The following EXD3 variants were observed in gnomAD, a reference collection of about 807,000 sequenced individuals.
The protein encoded by EXD3 is exonuclease 3'-5' domain containing 3.
Under a neutral mutation model 98.0 loss-of-function variants are expected in EXD3, and 92 were observed. That is an observed-to-expected ratio of 0.94 (90% CI 0.79 to 1.12). The LOEUF is 1.12. Among genes scored for constraint, EXD3 ranks in the 50% most tolerant of loss-of-function variants. The probability of loss-of-function intolerance (pLI) is 0.00; values close to 1 mark genes in which losing one functional copy is unlikely to be tolerated. For missense variants in EXD3, 1,222 were observed against 1,191.6 expected, an observed-to-expected ratio of 1.03 and a Z score of -0.38; for synonymous variants, 569 against 526.0, an observed-to-expected ratio of 1.08 and a Z score of -1.12.
chr9:137,408,179 G>A (rs1035698401), intron 1 of EXD3, among the ~76,000 whole-genome samples: 1 of 152,090 alleles, frequency 6.6e-6, no homozygotes, highest in Non-Finnish European at 1.5e-5. Flanking sequence ...TCCTCTGGGC[G>A]CCTGGATGTG....
In EXD3 at chr9:137,380,009, G is replaced by A. The variant is rs372780410; in HGVS notation, c.120+3304C>T. On this transcript the variant is annotated intron_variant, in intron 3 of 21. Coordinates refer to ENST00000340951, the MANE Select transcript of EXD3 (RefSeq NM_017820.5). ...CTCAGGGTCCCAGCCCGTTGTTCCG[G>A]GAGACTTCAGTCCTGGCCCAGGCAT... 7.9e-5 allele frequency among the ~76,000 whole-genome samples: 12 copies of A among 151,846 alleles called. No homozygotes were observed. The East Asian group carries it at 1.2e-3, about 15-fold the overall frequency.
Position 137,349,245 on chromosome 9 carries a change from G to C in EXD3, c.1695C>G (p.Ala565=). 1 of 1,574,562 alleles carries C rather than the reference G, an allele frequency of 6.4e-7. No homozygotes were observed. ...DAYCLLEVHQ[A]LCREPARFHL... ...GGAAGCGGGCGGGCTCTCTGCACAG[G>C]GCTTGGTGCACCTCCAGCAGGCAGT... The change falls in exon 16 of 22, where the codon GCC becomes GCG. Residue 565 remains alanine, a synonymous_variant. Transcript: ENST00000340951. This position sits in a 1 kb window ranked among gnomAD's most constrained non-coding sequence, Gnocchi z 7.4.
intron 1 of EXD3, among the ~76,000 whole-genome samples, chr9:137,396,339 C>T (rs113714899): frequency 0.03 from 4,518 of 152,284 alleles, 191 homozygotes; most frequent in African/African-American, 0.089. Flanking sequence ...AGTCTGCTTA[C>T]GCAAGGCTGC....
At chr9:137,386,896 G>C (rs1323250189) in intron 2 of EXD3, among the ~76,000 whole-genome samples, 19 of 79,760 alleles carry the variant, frequency 2.4e-4, no homozygotes, top group African/African-American at 7.0e-4. Flanking sequence ...TCCCTGCCTG[G>C]CCCCCTCAGC....
chr9:137,321,827 A>G (rs1490121727), intron 19 of EXD3, among the ~76,000 whole-genome samples: 1 of 152,202 alleles, frequency 6.6e-6, no homozygotes, highest in Non-Finnish European at 1.5e-5. Context: ...GAGAGCCAGC[A>G]CAGCCCACAG....
chr9:137,367,699 G>A (rs960456801), intron 6 of EXD3: 3 of 494,746 alleles, frequency 6.1e-6, no homozygotes, highest in Non-Finnish European at 1.1e-5. Flanking sequence ...GCACACTCAG[G>A]GCTTCAGGGG....
Position 137,347,307 on chromosome 9 carries a change from G to C in EXD3, c.1998+764C>G, listed in dbSNP as rs927639782. 3.3e-5 allele frequency among the ~76,000 whole-genome samples: 5 copies of C among 152,112 alleles called. No individual in the cohort carries two copies. Among genetic ancestry groups the C allele is most frequent in the African/African-American group, 1.2e-4 (5 of 41,454 alleles). On this transcript the variant is annotated intron_variant, in intron 17 of 21. Coordinates refer to ENST00000340951, the MANE Select transcript of EXD3 (RefSeq NM_017820.5). This position sits in a 1 kb window ranked among gnomAD's most constrained non-coding sequence, Gnocchi z 4.2. ...AGAACCTGCTTCTGGGCTTGGTCAG[G>C]TGTTGGCAGAATCTGGCTGCTTGTG...
In EXD3 at chr9:137,395,418, C is replaced by T. The variant is rs901694763; in HGVS notation, c.-47-14G>A. 7 of 1,611,510 alleles carry T rather than the reference C, an allele frequency of 4.3e-6. No homozygotes were observed. The highest frequency in any genetic ancestry group is 1.1e-5 in the South Asian group (1 of 90,930). On this transcript the variant is annotated splice_polypyrimidine_tract_variant and intron_variant, in intron 1 of 21. Transcript: ENST00000340951. The surrounding 1 kb of genome is among the most constrained non-coding windows in gnomAD (Gnocchi z 6.5). Reference sequence around the variant, plus strand: ...AGGAACGAGGATCTGCAGAAACAGACAATCAGGTGAATGCAGAGCCCACTG... The same window carrying T: ...AGGAACGAGGATCTGCAGAAACAGATAATCAGGTGAATGCAGAGCCCACTG...
intron 3 of EXD3, among the ~76,000 whole-genome samples, chr9:137,378,698 CAT>C (rs1487434675): frequency 6.6e-6 from 1 of 152,254 alleles, no homozygotes; most frequent in Non-Finnish European, 1.5e-5. Flanking sequence ...CAGACATCCA[CAT>C]AGACAAGCCT....
At position 137,377,788 on chromosome 9, in the gene EXD3, A is replaced by ATTT. The variant is rs571059789; in HGVS notation, c.121-4192_121-4190dup. 6.0e-4 allele frequency among the ~76,000 whole-genome samples: 79 copies of ATTT among 131,770 alleles called. 1 individual carries two copies. The highest frequency in any genetic ancestry group is 2.1e-3 in the African/African-American group (72 of 33,788). The allele number at this position is 131,770 out of a possible 152,430, so 86.4% of individuals were successfully genotyped here. A position where few individuals can be genotyped will look rare whatever the true frequency, so the allele number is the denominator to read the frequency against. ...TTTGAAAACAAAAAATAGTCGTTGA[A>ATTT]TTTTTTTTTTTTTTTTTTTTCCTGG... is the stretch of plus-strand genomic sequence containing the variant. On this transcript the variant is annotated intron_variant, in intron 3 of 21. Coordinates refer to ENST00000340951, the MANE Select transcript of EXD3 (RefSeq NM_017820.5).
chr9:137,328,105 A>G (rs1436286349), intron 17 of EXD3, among the ~76,000 whole-genome samples: 5 of 152,214 alleles, frequency 3.3e-5, no homozygotes, highest in Non-Finnish European at 7.3e-5. Flanking sequence ...AAAAACAACT[A>G]ATATACACCC....
At chr9:137,356,399 G>A in intron 7 of EXD3, 31 bp from the exon 8 acceptor site, 1 of 1,342,640 alleles carries the variant, frequency 7.4e-7, no homozygotes, top group Non-Finnish European at 1.0e-6. Context: ...AGCCTCTGTT[G>A]CTGTTTTAAG....
chr9:137,343,824 G>A (rs1345466346), intron 17 of EXD3, among the ~76,000 whole-genome samples: 1 of 149,342 alleles, frequency 6.7e-6, no homozygotes, highest in Non-Finnish European at 1.5e-5. Flanking sequence ...TCCTAACCTC[G>A]TGATCCGCCT....
intron 19 of EXD3, among the ~76,000 whole-genome samples, chr9:137,318,624 C>G (rs1294881517): frequency 6.6e-6 from 1 of 152,144 alleles, no homozygotes; most frequent in East Asian, 1.9e-4. Context: ...CCACCCCCAC[C>G]CTGCCCCAGA....
intron 1 of EXD3, among the ~76,000 whole-genome samples, chr9:137,410,733 G>A (rs1837955195): frequency 6.6e-6 from 1 of 152,156 alleles, no homozygotes; most frequent in Non-Finnish European, 1.5e-5. Flanking sequence ...GCCTGGCATG[G>A]AGGAGGTGAC....
chr9:137,409,653 T>C (rs979753059), intron 1 of EXD3, among the ~76,000 whole-genome samples: 3 of 150,764 alleles, frequency 2.0e-5, no homozygotes, highest in South Asian at 2.1e-4. Flanking sequence ...AGTGGAGACA[T>C]GGGCTGATGT....
intron 17 of EXD3, among the ~76,000 whole-genome samples, chr9:137,332,023 A>G (rs1833090926): frequency 6.6e-6 from 1 of 152,200 alleles, no homozygotes; most frequent in African/African-American, 2.4e-5. Context: ...CTAGGAATGT[A>G]CTTAACCAAG....
chr9:137,355,810 G>T (rs1031528237), intron 8 of EXD3, among the ~76,000 whole-genome samples: 2 of 152,124 alleles, frequency 1.3e-5, no homozygotes, highest in Non-Finnish European at 2.9e-5. Context: ...TGAGATTCAA[G>T]GGCCCCATGG....
chr9:137,381,098 T>TCTCACACACACACACACACACACACACA (rs769476087), intron 3 of EXD3: 1 of 134,658 alleles, frequency 7.4e-6, no homozygotes, highest in East Asian at 2.1e-4. Context: ...AGACTCTGTC[T>TCTCACACACACACACACACACACACACA]CACACACACA....
Sources: allele counts gnomAD v4.1 joint callset (sites outside exome capture counted in the v4.1 genomes callset), GRCh38; gene constraint gnomAD v4.1.1; non-coding constraint Gnocchi (gnomAD v3.1); transcripts MANE v1.5; gene names NCBI Gene and HGNC (gene_info 2026-07-23, HGNC 2026-07-21).